ADGRE2: variants seen among roughly 807,000 people sequenced by gnomAD.
ADGRE2 encodes CD97 antigen.
In ADGRE2, 83 loss-of-function variants were observed where a neutral mutation model predicts 100.8. The ratio of observed to expected loss-of-function variants is 0.82; its 90% confidence interval spans 0.69 to 0.99. ADGRE2 has a LOEUF of 0.99. Ranked by LOEUF, ADGRE2 falls within the 50% of genes least tolerant of loss-of-function variation. The probability of loss-of-function intolerance (pLI) is 0.00; values close to 1 mark genes in which losing one functional copy is unlikely to be tolerated. For missense variants in ADGRE2, 814 were observed against 1,035.7 expected (o/e 0.79, Z 2.94); for synonymous variants, 355 against 413.0 (o/e 0.86, Z 1.70).
chr19:14,767,539 A>G (rs997578389), intron 5 of ADGRE2, among the ~76,000 whole-genome samples: 5 of 152,010 alleles, frequency 3.3e-5, no homozygotes, highest in African/African-American at 1.2e-4. Flanking sequence ...ATGCCTGGCC[A>G]TCTCCTCCCT....
intron 1 of ADGRE2, among the ~76,000 whole-genome samples, chr19:14,777,905 T>A (rs1425421692): frequency 6.6e-6 from 1 of 152,194 alleles, no homozygotes; most frequent in African/African-American, 2.4e-5. Context: ...TGATGGACAT[T>A]TGGGTTGATT....
At position 14,751,486 on chromosome 19, in the gene ADGRE2, T is replaced by C. The variant is rs781653637; in HGVS notation, c.1974A>G (p.Thr658=). 1 of 1,614,180 alleles carries C rather than the reference T, an allele frequency of 6.2e-7. No homozygotes were observed. Among genetic ancestry groups the C allele is most frequent in the East Asian group, 2.2e-5 (1 of 44,890 alleles). Residue 658 remains threonine (T), a synonymous_variant, in exon 16 of 21, where the codon ACA becomes ACG. Transcript: ENST00000315576. Reference sequence around the variant, plus strand: ...GCCTGGAGGCTGCAGAAATGGCCACTGTCACAGCTGGGACTCCGTAGCCCA... The same window carrying C: ...GCCTGGAGGCTGCAGAAATGGCCACCGTCACAGCTGGGACTCCGTAGCCCA... ...FPVGYGVPAV[T]VAISAASRPH...
In ADGRE2 at chr19:14,746,232, C is replaced by T; in HGVS notation, c.2183G>A (p.Arg728Lys). ...NSEVSTLRNT[R>K]MLAFKATAQL... is the part of the protein sequence containing the mutation. ...GTTATCACCCCCTTCTCCATCTTAC[C>T]TTGTGTTCCGGAGGGTGGACACTTC... The change falls in exon 18 of 21, where the codon AGG becomes AAG. Residue 728 changes from arginine (R) to lysine (K), a missense_variant and splice_region_variant. Around this residue, in one of 5 missense-constraint regions of ADGRE2, gnomAD observed 569 missense variants for 692.7 expected, o/e 0.82. Transcript: ENST00000315576. 1 of 1,576,922 alleles carries T rather than the reference C, an allele frequency of 6.3e-7. No individual in the cohort carries two copies. The highest frequency in any genetic ancestry group is 8.7e-7 in the Non-Finnish European group (1 of 1,147,722).
intron 11 of ADGRE2, among the ~76,000 whole-genome samples, chr19:14,757,247 G>A (rs577969952): frequency 6.6e-6 from 1 of 152,250 alleles, no homozygotes; most frequent in South Asian, 2.1e-4. Context: ...TGGAAAGACA[G>A]CCTATGTTCA....
chr19:14,726,159 A>C, the ADGRE2 span, among the ~76,000 whole-genome samples: 2 of 152,188 alleles, frequency 1.3e-5, no homozygotes, highest in Non-Finnish European at 2.9e-5. Flanking sequence ...GCAGAGCTGC[A>C]ACCCAAGCTA....
rs1017975819 is a variant in ADGRE2 at position 14,776,875 on chromosome 19, A to AG, written c.-120dup. On this transcript the variant is annotated 5_prime_UTR_variant, in exon 2 of 21. Coordinates refer to ENST00000315576, the MANE Select transcript of ADGRE2 (RefSeq NM_013447.4). ...TCCCGAGGCCAGGACTTTATAAAGG[A>AG]GGGGGGGCGGACAGCCGCTGGCCCA... 59 of 1,528,186 alleles carry AG rather than the reference A, an allele frequency of 3.9e-5. 1 individual carries two copies. The Middle Eastern group carries it at 5.1e-4, about 13-fold the overall frequency. 94.7% of individuals were successfully genotyped at this position (1,528,186 alleles called of 1,614,324 possible).
At chr19:14,724,845 A>C in the ADGRE2 span, among the ~76,000 whole-genome samples, 6 of 152,254 alleles carry the variant, frequency 3.9e-5, no homozygotes, top group Admixed American at 2.6e-4. Context: ...CATGTGCATT[A>C]ATTCTTTCCG....
At position 14,763,557 on chromosome 19, in the gene ADGRE2, TTTTCC is replaced by T. The variant is rs1269258945; in HGVS notation, c.1084+871_1084+875del. On this transcript the variant is annotated intron_variant, in intron 11 of 20. Coordinates refer to ENST00000315576, the MANE Select transcript of ADGRE2 (RefSeq NM_013447.4). ...AAATGCATGTTATTTATGCATTTCT[TTTTCC>T]TTTCCTTTCCTTCTTTCTATTCTTC... 5.3e-5 allele frequency among the ~76,000 whole-genome samples: 8 copies of T among 151,366 alleles called. No homozygotes were observed. The East Asian group carries it at 1.2e-3, about 22-fold the overall frequency.
chr19:14,763,005 T>G (rs2043784028), intron 11 of ADGRE2, among the ~76,000 whole-genome samples: 1 of 152,190 alleles, frequency 6.6e-6, no homozygotes, highest in African/African-American at 2.4e-5. Flanking sequence ...GAATTTTATC[T>G]TAATAAAATT....
At position 14,775,153 on chromosome 19, in the gene ADGRE2, C is replaced by T. The variant is rs778528952; in HGVS notation, c.32-847G>A. Among the ~76,000 whole-genome samples, 4 of 150,296 alleles carry T rather than the reference C, an allele frequency of 2.7e-5. 1 individual carries two copies. The South Asian group carries it at 8.4e-4, about 32-fold the overall frequency. On this transcript the variant is annotated intron_variant, in intron 2 of 20. Coordinates refer to ENST00000315576, the MANE Select transcript of ADGRE2 (RefSeq NM_013447.4). The stretch of plus-strand genomic sequence containing the variant: ...GAGTGGCTGGGACTACAGGCATGAC[C>T]CACCATGCCCAGCTAATTTTTGTAT...
chr19:14,751,590 G>A lies in ADGRE2; in HGVS notation c.1870C>T (p.Leu624Phe), dbSNP rs778069519. 1.9e-6 allele frequency: 3 copies of A among 1,614,048 alleles called. No homozygotes were observed. The highest frequency in any genetic ancestry group is 2.5e-6 in the Non-Finnish European group (3 of 1,180,022). ...LTWMLLEALYLFLTARNLTVV... is the reference protein window; with the variant it reads ...LTWMLLEALYFFLTARNLTVV... ...GTCAGGTTCCGTGCAGTGAGGAAGA[G>A]GTACAGGGCCTCCAGCAGCATCCAG... Residue 624 changes from leucine to phenylalanine, a missense_variant, in exon 16 of 21, where the codon CTC (leucine) becomes TTC (phenylalanine). Transcript: ENST00000315576.
chr19:14,762,496 A>C (rs1045496353), intron 11 of ADGRE2, among the ~76,000 whole-genome samples: 2 of 152,136 alleles, frequency 1.3e-5, no homozygotes, highest in Non-Finnish European at 1.5e-5. Flanking sequence ...GGGAGGAATG[A>C]GGAGTGGTTG....
Position 14,763,845 on chromosome 19 carries a change from C to T in ADGRE2, c.1084+588G>A, listed in dbSNP as rs1172098315. Reference sequence around the variant, plus strand: ...CTCCTCTCCTCCTCCTTCTCTCCTCCTCCTCTCCTCCCCATCCTGTCCTCC... The same window carrying T: ...CTCCTCTCCTCCTCCTTCTCTCCTCTTCCTCTCCTCCCCATCCTGTCCTCC... On this transcript the variant is annotated intron_variant, in intron 11 of 20. Coordinates refer to ENST00000315576, the MANE Select transcript of ADGRE2 (RefSeq NM_013447.4). Among the ~76,000 whole-genome samples the T allele has an allele frequency of 1.0e-3, 145 of 143,014 alleles. 1 individual carries two copies. Among genetic ancestry groups the T allele is most frequent in the African/African-American group, 3.6e-3 (137 of 38,052 alleles). 93.8% of individuals were successfully genotyped at this position (143,014 alleles called of 152,430 possible).
At chr19:14,747,146 G>T (rs2147176850) in intron 16 of ADGRE2, among the ~76,000 whole-genome samples, 184 bp from the exon 17 acceptor site, 1 of 152,142 alleles carries the variant, frequency 6.6e-6, no homozygotes, top group East Asian at 1.9e-4. Flanking sequence ...AATGAACACG[G>T]TCTTAGATCC....
At chr19:14,754,084 A>ATCTATCTATCT (rs1555784776) in intron 14 of ADGRE2, among the ~76,000 whole-genome samples, 1 of 137,138 alleles carries the variant, frequency 7.3e-6, no homozygotes, top group African/African-American at 2.7e-5. Context: ...CAGGCAGAAA[A>ATCTATCTATCT]ATGTGAAAAG....
chr19:14,742,420 C>T (rs937200314), intron 20 of ADGRE2, among the ~76,000 whole-genome samples: 12 of 152,182 alleles, frequency 7.9e-5, no homozygotes, highest in South Asian at 2.1e-4. Context: ...TTTATAGGGA[C>T]GAGGTGTCAC....
At chr19:14,770,826 T>C (rs7246890) in intron 5 of ADGRE2, among the ~76,000 whole-genome samples, 8,552 of 151,608 alleles carry the variant, frequency 0.056, 432 homozygotes, top group African/African-American at 0.14. Flanking sequence ...TTACAGGTGC[T>C]CACCACTATG....
At chr19:14,762,242 AATGG>A (rs2043752002) in intron 11 of ADGRE2, among the ~76,000 whole-genome samples, 1 of 151,980 alleles carries the variant, frequency 6.6e-6, no homozygotes, top group Admixed American at 6.6e-5. Flanking sequence ...AATGTCCATC[AATGG>A]ATGGATGGAT....
At chr19:14,748,891 A>T (rs1458777476) in intron 16 of ADGRE2, among the ~76,000 whole-genome samples, 1 of 152,140 alleles carries the variant, frequency 6.6e-6, no homozygotes, top group Non-Finnish European at 1.5e-5. Flanking sequence ...CCTCAAAAAA[A>T]TACTAGCCGA....
Sources: gnomAD v4.1 joint callset for allele counts (sites outside exome capture counted in the v4.1 genomes callset) on GRCh38, gnomAD v4.1.1 for gene constraint, gnomAD v4.1.1 regional missense constraint, MANE v1.5 for transcripts, NCBI Gene and HGNC (gene_info 2026-07-23, HGNC 2026-07-21) for gene names.